The following ZC3H8 variants were observed in gnomAD, a reference collection of about 807,000 sequenced individuals.
The protein encoded by ZC3H8 is zinc finger CCCH-type containing 8.
Under a neutral mutation model 42.5 loss-of-function variants are expected in ZC3H8, and 27 were observed. The observed-to-expected ratio is 0.64, with a 90% CI of 0.47 to 0.88. The LOEUF (loss-of-function observed/expected upper bound fraction) is 0.88. Among genes scored for constraint, ZC3H8 ranks in the 40% least tolerant of loss-of-function variants. ZC3H8 has a pLI of 0.00. For missense variants in ZC3H8, 277 were observed against 336.1 expected, an observed-to-expected ratio of 0.82 and a Z score of 1.37; for synonymous variants, 101 against 110.1, an observed-to-expected ratio of 0.92 and a Z score of 0.52.
Position 112,211,548 on chromosome 2 carries a change from TTAAC to T in ZC3H8, c.*4932_*4935del, listed in dbSNP as rs1684137583. 6.6e-6 allele frequency: 1 copy of T among 152,318 alleles called. No individual in the cohort carries two copies. Among genetic ancestry groups the T allele is most frequent in the African/African-American group, 2.4e-5 (1 of 41,556 alleles). 9.4% of individuals were successfully genotyped at this position (152,318 alleles called of 1,614,324 possible). A position where few individuals can be genotyped will look rare whatever the true frequency, so the allele number is the denominator to read the frequency against. On this transcript the variant is annotated 3_prime_UTR_variant, in exon 9 of 9. Transcript: ENST00000409573. ...ACTTTATTTCATAGTAAACTTTTAT[TTAAC>T]TATGTACAACTTCAGTTAAAAATTA...
chr2:112,230,992 AT>A, intron 7 of ZC3H8, 42 bp from the exon 8 acceptor site: 1 of 1,155,684 alleles, frequency 8.7e-7, no homozygotes, highest in Middle Eastern at 2.9e-4. Context: ...TTATGCATTC[AT>A]GTGTAATTCA....
chr2:112,234,067 A>ACAGAAAGAGAG, intron 5 of ZC3H8, 53 bp downstream of exon 5: 1 of 1,053,754 alleles, frequency 9.5e-7, no homozygotes. Context: ...AGAGTATCAA[A>ACAGAAAGAGAG]CAGAAAGAGC....
intron 5 of ZC3H8, among the ~76,000 whole-genome samples, chr2:112,233,817 C>T (rs1227190441): frequency 1.3e-5 from 2 of 151,834 alleles, no homozygotes; most frequent in African/African-American, 4.8e-5. Context: ...TGCAGTGAGC[C>T]GAGAATGCGC....
intron 8 of ZC3H8, among the ~76,000 whole-genome samples, chr2:112,220,300 C>G (rs770617736): frequency 3.4e-4 from 52 of 152,168 alleles, no homozygotes; most frequent in Non-Finnish European, 6.9e-4. Flanking sequence ...GTCTTTACTT[C>G]CCATATTTCG....
At chr2:112,247,275 CT>C (rs1404966159) in intron 2 of ZC3H8, among the ~76,000 whole-genome samples, 3 of 152,154 alleles carry the variant, frequency 2.0e-5, no homozygotes, top group Non-Finnish European at 4.4e-5. Context: ...CCTGGGTATT[CT>C]CTTTTAAATA....
chr2:112,238,498 A>G lies in ZC3H8; in HGVS notation c.187T>C (p.Ser63Pro). 6.2e-7 allele frequency: 1 copy of G among 1,611,594 alleles called. No individual in the cohort carries two copies. Among genetic ancestry groups the G allele is most frequent in the Non-Finnish European group, 8.5e-7 (1 of 1,179,716 alleles). ...TTACTTCTTGATTTTCTATGCAGCG[A>G]ACTTTTTGGTGATATTGCAGAGTGT... ...FRHSAISPKS[S>P]LHRKSRSKDY... The change falls in exon 3 of 9, where the codon TCG becomes CCG. Residue 63 changes from serine (S) to proline (P), a missense_variant. By Grantham distance (74) the Ser-to-Pro change is moderately conservative. Coordinates refer to ENST00000409573, the MANE Select transcript of ZC3H8 (RefSeq NM_032494.3).
intron 4 of ZC3H8, among the ~76,000 whole-genome samples, chr2:112,235,636 G>C (rs147348645): frequency 6.4e-4 from 98 of 152,188 alleles, no homozygotes; most frequent in African/African-American, 2.2e-3. Flanking sequence ...TTGCCATCCA[G>C]TTAAAAGCCC....
chr2:112,219,688 G>A (rs77770701), intron 8 of ZC3H8, among the ~76,000 whole-genome samples: 2,157 of 151,986 alleles, frequency 0.014, 59 homozygotes, highest in African/African-American at 0.049. Flanking sequence ...TTTTATGCCC[G>A]GGTGTATGGT....
chr2:112,240,980 T>TGTGTGCGC (rs1314632281), intron 2 of ZC3H8, among the ~76,000 whole-genome samples: 1 of 138,990 alleles, frequency 7.2e-6, no homozygotes, highest in Non-Finnish European at 1.6e-5. Flanking sequence ...TGTGTGTGTG[T>TGTGTGCGC]GTGTGCGCGT....
chr2:112,230,047 T>C (rs1685024054), intron 8 of ZC3H8, among the ~76,000 whole-genome samples: 1 of 151,466 alleles, frequency 6.6e-6, no homozygotes, highest in South Asian at 2.1e-4. Context: ...AATCAATGTA[T>C]AAAGGACAAT....
At chr2:112,231,060 TCA>T (rs1685064721) in intron 7 of ZC3H8, 110 bp from the exon 8 acceptor site, 1 of 705,478 alleles carries the variant, frequency 1.4e-6, no homozygotes, top group Admixed American at 5.3e-5. Flanking sequence ...ATCCTAATAA[TCA>T]TCTAATATTA....
chr2:112,253,593 G>A (rs573427845), intron 1 of ZC3H8, among the ~76,000 whole-genome samples: 6 of 152,144 alleles, frequency 3.9e-5, no homozygotes, highest in Non-Finnish European at 8.8e-5. Context: ...GGAGAAAAAT[G>A]GGCAAATAAT....
chr2:112,213,522 A>G lies in ZC3H8; in HGVS notation c.*2962T>C, dbSNP rs1684211034. On this transcript the variant is annotated 3_prime_UTR_variant, in exon 9 of 9. Transcript: ENST00000409573. ...CCGGGTGCGGTGGCCCACACCTGTA[A>G]TCCCAGCACTTTGGGAGGCCGAGGT... 6.6e-6 allele frequency: 1 copy of G among 151,944 alleles called. No homozygotes were observed. The highest frequency in any genetic ancestry group is 2.1e-4 in the South Asian group (1 of 4,798). 9.4% of individuals were successfully genotyped at this position (151,944 alleles called of 1,614,324 possible).
rs1415620856 is a variant in ZC3H8, at chr2:112,221,035, T to C, written c.*16-4567A>G. The stretch of plus-strand genomic sequence containing the variant: ...GTTGGGGAAATTTTCATGGACAATA[T>C]CCTGAAATATGTTTTCCAAGTTGCT... On this transcript the variant is annotated intron_variant, in intron 8 of 8. Coordinates refer to ENST00000409573, the MANE Select transcript of ZC3H8 (RefSeq NM_032494.3). 2.0e-5 allele frequency among the ~76,000 whole-genome samples: 3 copies of C among 152,214 alleles called. No individual in the cohort carries two copies. The South Asian group carries it at 6.2e-4, about 32-fold the overall frequency.
chr2:112,220,329 T>C (rs1054539942), intron 8 of ZC3H8, among the ~76,000 whole-genome samples: 1 of 152,246 alleles, frequency 6.6e-6, no homozygotes, highest in African/African-American at 2.4e-5. Context: ...TCAGGACCTC[T>C]TGTAAGGCAG....
chr2:112,230,757 T>C, intron 8 of ZC3H8, 146 bp downstream of exon 8: 1 of 459,880 alleles, frequency 2.2e-6, no homozygotes, highest in Non-Finnish European at 3.5e-6. Flanking sequence ...TATAGGTATG[T>C]AAATATATCA....
intron 5 of ZC3H8, 26 bp from the exon 6 acceptor site, chr2:112,233,397 A>G (rs1449276563): frequency 7.0e-7 from 1 of 1,425,080 alleles, no homozygotes; most frequent in Admixed American, 2.2e-5. Flanking sequence ...GAGCAAGGAA[A>G]AGCCATTATT....
At chr2:112,221,657 G>T (rs969762425) in intron 8 of ZC3H8, among the ~76,000 whole-genome samples, 1 of 152,042 alleles carries the variant, frequency 6.6e-6, no homozygotes, top group Non-Finnish European at 1.5e-5. Context: ...TGATTCTGCT[G>T]ATAAGACTTG....
chr2:112,249,475 G>A (rs185229937), intron 2 of ZC3H8, among the ~76,000 whole-genome samples: 7 of 152,002 alleles, frequency 4.6e-5, no homozygotes, highest in East Asian at 3.9e-4. Context: ...TCGGAGTCTC[G>A]CTTTGTTGCC....
Sources: gnomAD v4.1 joint callset for allele counts (sites outside exome capture counted in the v4.1 genomes callset) on GRCh38, gnomAD v4.1.1 for gene constraint, MANE v1.5 for transcripts, NCBI Gene and HGNC (gene_info 2026-07-23, HGNC 2026-07-21) for gene names.